The following PRRG1 variants were observed in gnomAD, a reference collection of about 807,000 sequenced individuals.
PRRG1 encodes the protein transmembrane gamma-carboxyglutamic acid protein 1.
A neutral mutation model predicts 11.8 loss-of-function variants in PRRG1; 5 were observed. That is an observed-to-expected ratio of 0.42 (90% CI 0.22 to 0.89). The LOEUF (loss-of-function observed/expected upper bound fraction) is 0.89, where lower values mean the gene tolerates loss of function less well. Among genes scored for constraint, PRRG1 ranks in the 40% least tolerant of loss-of-function variants. The pLI, the probability that PRRG1 is intolerant of heterozygous loss-of-function variation, is 0.28. For synonymous variants in PRRG1, 66 were observed against 60.4 expected (o/e 1.09, Z -0.43); for missense variants, 155 against 166.1 (o/e 0.93, Z 0.37).
rs199700579 is a variant in PRRG1 at position 37,392,265 on chromosome X, T to C, written c.-41-13944T>C. On this transcript the variant is annotated intron_variant, in intron 1 of 3. Transcript: ENST00000378628. ...CTGCTTTCATGCTATAATAGTAGAG[T>C]TGGGTAGTTACAACAGAGACCATAT... Among the ~76,000 whole-genome samples, 4 of 110,745 alleles carry C rather than the reference T, an allele frequency of 3.6e-5. No individual in the cohort carries two copies. In the East Asian group the frequency reaches 1.1e-3, roughly 31 times the overall value.
At chrX:37,441,673 C>A (rs1233096771) in intron 3 of PRRG1, 8 of 799,019 alleles carry the variant, frequency 1.0e-5, no homozygotes, top group African/African-American at 2.2e-5. Flanking sequence ...GGCCCTGGAG[C>A]ACTTTAGCCG....
At chrX:37,390,539 G>A (rs1488345826) in intron 1 of PRRG1, among the ~76,000 whole-genome samples, 3 of 111,933 alleles carry the variant, frequency 2.7e-5, no homozygotes, top group African/African-American at 6.5e-5. Flanking sequence ...TCATTTATAT[G>A]AAGATCAAAA....
At chrX:37,380,558 A>G (rs782125637) in intron 1 of PRRG1, among the ~76,000 whole-genome samples, 16 of 111,471 alleles carry the variant, frequency 1.4e-4, no homozygotes, top group African/African-American at 4.6e-4. Flanking sequence ...GAGCAGATCA[A>G]GTAAAATGGT....
intron 3 of PRRG1, among the ~76,000 whole-genome samples, chrX:37,446,955 T>C (rs1933088524): frequency 9.0e-6 from 1 of 111,460 alleles, no homozygotes; most frequent in African/African-American, 3.3e-5. Context: ...GACATTCATG[T>C]GCCACCCCAG....
At position 37,441,694 on chromosome X, in the gene PRRG1, C is replaced by T. The variant is rs146651413; in HGVS notation, c.172-11442C>T. 722 of 796,318 alleles carry T rather than the reference C, an allele frequency of 9.1e-4. 9 individuals carry two copies. The East Asian group carries it at 0.051, about 56-fold the overall frequency. 65.6% of individuals were successfully genotyped at this position (796,318 alleles called of 1,213,427 possible). On this transcript the variant is annotated intron_variant, in intron 3 of 3. Transcript: ENST00000378628. ...GGAGCACTTTAGCCGCTACTTCCTG[C>T]GCCAGTTGCACAAGAAGAGGGAGCA...
At chrX:37,422,206 CT>C (rs1302286175) in intron 2 of PRRG1, among the ~76,000 whole-genome samples, 1 of 111,888 alleles carries the variant, frequency 8.9e-6, no homozygotes, top group East Asian at 2.8e-4. Context: ...AAGCATTTAG[CT>C]TTTTTCTCTT....
intron 3 of PRRG1, among the ~76,000 whole-genome samples, chrX:37,432,650 C>T (rs1190963252): frequency 1.8e-5 from 2 of 112,003 alleles, no homozygotes; most frequent in African/African-American, 6.5e-5. Context: ...CTTAACACAT[C>T]GCCATCCAAC....
rs1229250684 is a variant in PRRG1 at position 37,353,847 on chromosome X, G to A, written c.-42+4452G>A. ...TGACACAACAACGAAATCGCCTAAA[G>A]GCATTTCTCAGACCATATCCCAGTT... is the stretch of plus-strand genomic sequence containing the variant. On this transcript the variant is annotated intron_variant, in intron 1 of 3. Coordinates refer to ENST00000378628, the MANE Select transcript of PRRG1 (RefSeq NM_001142395.2). Among the ~76,000 whole-genome samples, 3 of 112,607 alleles carry A rather than the reference G, an allele frequency of 2.7e-5. 1 individual carries two copies. The highest frequency in any genetic ancestry group is 2.8e-4 in the East Asian group (1 of 3,599).
intron 2 of PRRG1, among the ~76,000 whole-genome samples, chrX:37,419,866 ACT>A (rs782603947): frequency 1.8e-5 from 2 of 112,019 alleles, no homozygotes; most frequent in East Asian, 5.6e-4. Context: ...ATTAAATAGC[ACT>A]TCATAAAGCT....
At chrX:37,399,118 G>A (rs1334735975) in intron 1 of PRRG1, among the ~76,000 whole-genome samples, 105 of 111,214 alleles carry the variant, frequency 9.4e-4, no homozygotes, top group Middle Eastern at 4.7e-3. Context: ...TCAAATTCAG[G>A]AAATACAGAG....
intron 3 of PRRG1, among the ~76,000 whole-genome samples, chrX:37,450,865 C>T (rs781958779): frequency 1.8e-5 from 2 of 111,953 alleles, no homozygotes; most frequent in East Asian, 5.6e-4. Context: ...TTTAGGAGTG[C>T]AACTGTGATT....
chrX:37,439,451 C>T (rs1358566533), intron 3 of PRRG1, among the ~76,000 whole-genome samples: 2 of 111,611 alleles, frequency 1.8e-5, no homozygotes, highest in Non-Finnish European at 3.8e-5. Context: ...AGGAAATAGC[C>T]CCAGAACTGT....
At position 37,443,022 on chromosome X, in the gene PRRG1, C is replaced by G. The variant is rs1331585047; in HGVS notation, c.172-10114C>G. ...ATACCCCCAACTGTTAAGCCAGTGA[C>G]TGGCTGCTTTGAAGAATGTAGAGGG... On this transcript the variant is annotated intron_variant, in intron 3 of 3. Transcript: ENST00000378628. 3.6e-5 allele frequency among the ~76,000 whole-genome samples: 4 copies of G among 112,301 alleles called. No individual in the cohort carries two copies. In the East Asian group the frequency reaches 1.1e-3, roughly 31 times the overall value.
chrX:37,453,722 G>A lies in PRRG1; in HGVS notation c.*101G>A. ...AAATGTTCATTGACTTATTTTATTG[G>A]ACTCTTACCGCATACCACTTCACAC... On this transcript the variant is annotated 3_prime_UTR_variant, in exon 4 of 4. Transcript: ENST00000378628. The A allele has an allele frequency of 1.2e-6, 1 of 841,620 alleles. No individual in the cohort carries two copies. Among genetic ancestry groups the A allele is most frequent in the East Asian group, 3.5e-5 (1 of 28,471 alleles). The allele number at this position is 841,620 out of a possible 1,213,427, so 69.4% of individuals were successfully genotyped here.
intron 1 of PRRG1, among the ~76,000 whole-genome samples, chrX:37,392,350 CT>C (rs1931566604): frequency 9.1e-6 from 1 of 109,298 alleles, no homozygotes; most frequent in Non-Finnish European, 1.9e-5. Context: ...CAACTGACCC[CT>C]GATATACACC....
intron 1 of PRRG1, chrX:37,403,698 C>G: frequency 2.8e-6 from 2 of 703,516 alleles, no homozygotes; most frequent in Non-Finnish European, 3.4e-6. Flanking sequence ...CACACACACA[C>G]AGACAAAAAA....
At chrX:37,382,091 A>G (rs1185509045) in intron 1 of PRRG1, among the ~76,000 whole-genome samples, 2 of 111,649 alleles carry the variant, frequency 1.8e-5, no homozygotes, top group Admixed American at 9.5e-5. Flanking sequence ...AACAGAATGG[A>G]CTTGTCTGTT....
At chrX:37,383,568 A>G (rs149191962) in intron 1 of PRRG1, among the ~76,000 whole-genome samples, 1,851 of 110,734 alleles carry the variant, frequency 0.017, 20 homozygotes, top group Non-Finnish European at 0.023. Context: ...GGCATATCAC[A>G]TTTGTCCCAT....
At chrX:37,373,371 A>G (rs2146532517) in intron 1 of PRRG1, among the ~76,000 whole-genome samples, 1 of 112,224 alleles carries the variant, frequency 8.9e-6, no homozygotes, top group African/African-American at 3.2e-5. Context: ...TTGAATCTAT[A>G]GATTGCTTTG....
Sources: allele counts gnomAD v4.1 joint callset (sites outside exome capture counted in the v4.1 genomes callset), GRCh38; gene constraint gnomAD v4.1.1; transcripts MANE v1.5; gene names NCBI Gene and HGNC (gene_info 2026-07-23, HGNC 2026-07-21).